Variants in CADM2 observed in about 807,000 individuals in gnomAD.
CADM2 encodes the protein cell adhesion molecule 2.
In CADM2, 12 loss-of-function variants were observed where a neutral mutation model predicts 49.8. That is an observed-to-expected ratio of 0.24 (90% confidence interval 0.15 to 0.39). CADM2 has a LOEUF of 0.39. CADM2 is among the 10% of genes least tolerant of loss of function. CADM2 has a pLI of 1.00. For missense variants in CADM2, 378 were observed against 492.3 expected (o/e 0.77, Z 2.20); for synonymous variants, 214 against 175.4 (o/e 1.22, Z -1.74).
intron 3 of CADM2, among the ~76,000 whole-genome samples, chr3:85,867,392 T>A (rs13099482): frequency 0.32 from 47,936 of 151,818 alleles, 8,851 homozygotes; most frequent in East Asian, 0.46. Flanking sequence ...CTAATCCTCA[T>A]AAATAAATAT....
intron 1 of CADM2, among the ~76,000 whole-genome samples, chr3:85,717,741 A>T (rs1399924024): frequency 3.3e-5 from 5 of 152,100 alleles, no homozygotes; most frequent in Non-Finnish European, 5.9e-5. Flanking sequence ...ATCTATTGAG[A>T]TAATCATGTG....
intron 4 of CADM2, among the ~76,000 whole-genome samples, chr3:85,884,209 G>A (rs559319380): frequency 3.3e-5 from 5 of 152,154 alleles, no homozygotes; most frequent in Non-Finnish European, 7.4e-5. Flanking sequence ...ACACACCTGC[G>A]TGCTGAACAA....
At chr3:86,012,225 C>T (rs539587514) in intron 8 of CADM2, among the ~76,000 whole-genome samples, 5 of 152,174 alleles carry the variant, frequency 3.3e-5, no homozygotes, top group African/African-American at 1.2e-4. Flanking sequence ...TATGAAACAT[C>T]TTCTCTTTTA....
At chr3:85,015,850 A>G (rs923439608) in intron 1 of CADM2, among the ~76,000 whole-genome samples, 1 of 152,188 alleles carries the variant, frequency 6.6e-6, no homozygotes, top group African/African-American at 2.4e-5. Flanking sequence ...GGTGGAGGGC[A>G]TGAAACTAGC....
At chr3:85,984,819 TC>T (rs1727902297) in intron 8 of CADM2, among the ~76,000 whole-genome samples, 1 of 151,966 alleles carries the variant, frequency 6.6e-6, no homozygotes, top group Non-Finnish European at 1.5e-5. Context: ...TTTACATCAG[TC>T]TTTGAAATGG....
chr3:85,690,682 A>G (rs1365236838), intron 1 of CADM2, among the ~76,000 whole-genome samples: 1 of 152,148 alleles, frequency 6.6e-6, no homozygotes, highest in Admixed American at 6.5e-5. Flanking sequence ...TAATTAGTAG[A>G]TAGTACACCA....
At chr3:85,559,054 C>T (rs2062026807) in intron 1 of CADM2, among the ~76,000 whole-genome samples, 1 of 152,016 alleles carries the variant, frequency 6.6e-6, no homozygotes, top group Non-Finnish European at 1.5e-5. Flanking sequence ...GTTATTCATA[C>T]ACTTTCTAGA....
chr3:85,301,598 G>A (rs574063721), intron 1 of CADM2, among the ~76,000 whole-genome samples: 69 of 152,064 alleles, frequency 4.5e-4, no homozygotes, highest in African/African-American at 1.6e-3. Flanking sequence ...AGAAGTGGGT[G>A]GGGGGCTGAC....
At chr3:85,852,372 G>A (rs1173135523) in intron 3 of CADM2, among the ~76,000 whole-genome samples, 3 of 152,008 alleles carry the variant, frequency 2.0e-5, no homozygotes, top group Non-Finnish European at 2.9e-5. Context: ...CCAGAAGACT[G>A]ATAGCTGGTA....
chr3:86,016,924 A>AT (rs1235280620), intron 8 of CADM2, among the ~76,000 whole-genome samples: 3 of 152,084 alleles, frequency 2.0e-5, no homozygotes, highest in African/African-American at 4.8e-5. Flanking sequence ...ACTTTCACTG[A>AT]TTTTTTTAAA....
At chr3:85,419,704 T>C (rs2107493875) in intron 1 of CADM2, among the ~76,000 whole-genome samples, 1 of 152,306 alleles carries the variant, frequency 6.6e-6, no homozygotes. Context: ...TTTTCATATG[T>C]ATTGTGTAAC....
At chr3:85,630,674 A>G (rs2064280698) in intron 1 of CADM2, among the ~76,000 whole-genome samples, 1 of 152,090 alleles carries the variant, frequency 6.6e-6, no homozygotes, top group South Asian at 2.1e-4. Flanking sequence ...GAGAAAATGT[A>G]AAATTTGTAT....
chr3:85,621,987 G>A (rs1205443474), intron 1 of CADM2, among the ~76,000 whole-genome samples: 2 of 152,150 alleles, frequency 1.3e-5, no homozygotes, highest in Admixed American at 6.6e-5. Context: ...CAAAATAAAA[G>A]TATATATTTA....
chr3:86,012,548 C>T (rs1731659360), intron 8 of CADM2: 1 of 1,465,584 alleles, frequency 6.8e-7, no homozygotes, highest in Non-Finnish European at 9.2e-7. Context: ...GGCCAGCCAG[C>T]GGGCGGGCGA....
Position 86,073,392 on chromosome 3 carries a change from G to A in CADM2, c.*6609G>A, listed in dbSNP as rs1025616700. Reference sequence around the variant, plus strand: ...CAGAAAATAGAGAAACACAGTTATTGAATCTACTCTTGTCATTAACATTTT... The same window carrying A: ...CAGAAAATAGAGAAACACAGTTATTAAATCTACTCTTGTCATTAACATTTT... On this transcript the variant is annotated 3_prime_UTR_variant, in exon 10 of 10. Coordinates refer to ENST00000383699, the MANE Select transcript of CADM2 (RefSeq NM_001167675.2). 1 of 151,970 alleles carries A rather than the reference G, an allele frequency of 6.6e-6. No homozygotes were observed. Among genetic ancestry groups the A allele is most frequent in the African/African-American group, 2.4e-5 (1 of 41,414 alleles). 9.4% of individuals were successfully genotyped at this position (151,970 alleles called of 1,614,324 possible). A position where few individuals can be genotyped will look rare whatever the true frequency, so the allele number is the denominator to read the frequency against.
At chr3:85,763,613 C>T (rs1298591176) in intron 2 of CADM2, among the ~76,000 whole-genome samples, 1 of 152,138 alleles carries the variant, frequency 6.6e-6, no homozygotes, top group African/African-American at 2.4e-5. Context: ...GGCCATCTCT[C>T]ATTTTGACCA....
intron 2 of CADM2, among the ~76,000 whole-genome samples, chr3:85,772,146 T>C (rs1481808110): frequency 1.3e-5 from 2 of 151,496 alleles, no homozygotes; most frequent in African/African-American, 4.8e-5. Context: ...GTCCTAACCA[T>C]AGCATTTATG....
At chr3:85,950,844 A>G (rs75734503) in intron 7 of CADM2, among the ~76,000 whole-genome samples, 5,054 of 151,234 alleles carry the variant, frequency 0.033, 282 homozygotes, top group African/African-American at 0.12. Context: ...CACTATACTA[A>G]TGTCATAATT....
chr3:85,196,857 G>T (rs2107736414), intron 1 of CADM2, among the ~76,000 whole-genome samples: 1 of 152,064 alleles, frequency 6.6e-6, no homozygotes, highest in South Asian at 2.1e-4. Flanking sequence ...GACCATAATG[G>T]TAGACAAAGA....
Sources: gnomAD v4.1 joint callset for allele counts (sites outside exome capture counted in the v4.1 genomes callset) on GRCh38, gnomAD v4.1.1 for gene constraint, MANE v1.5 for transcripts, NCBI Gene and HGNC (gene_info 2026-07-23, HGNC 2026-07-21) for gene names.